The following STON2 variants were observed in gnomAD, a reference collection of about 807,000 sequenced individuals.
STON2 encodes the protein stonin-2.
Under a neutral mutation model 65.7 loss-of-function variants are expected in STON2, and 29 were observed. The ratio of observed to expected loss-of-function variants is 0.44; its 90% confidence interval spans 0.33 to 0.60. The LOEUF is 0.60. Among genes scored for constraint, STON2 ranks in the 20% least tolerant of loss-of-function variants. The probability of loss-of-function intolerance (pLI) is 0.03; values close to 1 mark genes in which losing one functional copy is unlikely to be tolerated. For missense variants in STON2, 1,054 were observed against 1,118.1 expected, an observed-to-expected ratio of 0.94 and a Z score of 0.82; for synonymous variants, 404 against 414.2, an observed-to-expected ratio of 0.98 and a Z score of 0.30.
intron 5 of STON2, among the ~76,000 whole-genome samples, chr14:81,304,639 A>G (rs1424368539): frequency 6.6e-6 from 1 of 152,050 alleles, no homozygotes; most frequent in Non-Finnish European, 1.5e-5. Context: ...GAGGCATGAG[A>G]ATTGCTTGAG....
chr14:81,270,745 G>A lies in STON2; in HGVS notation c.2709C>T (p.Ser903=), dbSNP rs746629275. The change falls in exon 7 of 8, where the codon AGC becomes AGT. Residue 903 remains serine (S), a synonymous_variant. Transcript: ENST00000614646. ...TGTCTTCTACAGAGATAGATCTCAC[G>A]CTGGCTTTGGAGGCAGAAGTTGTGG... ...SMPTTSASKA[S]VRSISVEDKT... 47 of 1,614,032 alleles carry A rather than the reference G, an allele frequency of 2.9e-5. No individual in the cohort carries two copies. In the East Asian group the frequency reaches 5.6e-4, roughly 19 times the overall value.
At chr14:81,301,510 C>T (rs1391612624) in intron 5 of STON2, among the ~76,000 whole-genome samples, 4 of 152,108 alleles carry the variant, frequency 2.6e-5, no homozygotes, top group African/African-American at 9.7e-5. Context: ...TGTGTGAACC[C>T]AAAAGAGGAA....
Position 81,276,927 on chromosome 14 carries a change from A to T in STON2, c.2555T>A (p.Ile852Lys). The change falls in exon 6 of 8, where the codon ATA becomes AAA. Residue 852 changes from isoleucine (I) to lysine (K), a missense_variant. Physicochemically the swap from Ile to Lys is moderately radical, Grantham distance 102 (BLOSUM62 -3). Transcript: ENST00000614646. ...EHAFNSIVWR[I>K]NRLPDKNSAS... ...TGAGTTTTTGTCCGGCAGTCGGTTT[A>T]TCCTCCACACAATGGAGTTGAAGGC... The T allele has an allele frequency of 6.2e-7, 1 of 1,613,344 alleles. No homozygotes were observed. Among genetic ancestry groups the T allele is most frequent in the Non-Finnish European group, 8.5e-7 (1 of 1,179,352 alleles).
intron 3 of STON2, among the ~76,000 whole-genome samples, chr14:81,377,150 C>T (rs1470530866): frequency 6.6e-6 from 1 of 152,172 alleles, no homozygotes; most frequent in African/African-American, 2.4e-5. Flanking sequence ...TGCCCATTTC[C>T]CTCCTACCTT....
intron 3 of STON2, chr14:81,395,336 A>C (rs373508442): frequency 4.6e-5 from 7 of 152,668 alleles, no homozygotes; most frequent in African/African-American, 1.4e-4. Flanking sequence ...CTCCGCTCCC[A>C]GGTTCAGCAA....
chr14:81,263,031 G>C lies in STON2; in HGVS notation c.*5383C>G, dbSNP rs2140078146. ...GAGAATGCCCTAATTTTATGTAAAGGGTCGTCATGGTTTGAATGGGACTTA... is the reference window on the plus strand; with the variant it reads ...GAGAATGCCCTAATTTTATGTAAAGCGTCGTCATGGTTTGAATGGGACTTA... On this transcript the variant is annotated 3_prime_UTR_variant, in exon 8 of 8. Coordinates refer to ENST00000614646, the MANE Select transcript of STON2 (RefSeq NM_001394390.1). The C allele has an allele frequency of 1.0e-6, 1 of 985,332 alleles. No individual in the cohort carries two copies. Among genetic ancestry groups the C allele is most frequent in the African/African-American group, 1.7e-5 (1 of 57,340 alleles). The allele number at this position is 985,332 out of a possible 1,614,324, so 61.0% of individuals were successfully genotyped here.
chr14:81,309,088 A>T (rs1896323700), intron 5 of STON2, among the ~76,000 whole-genome samples: 1 of 50,016 alleles, frequency 2.0e-5, no homozygotes, highest in Non-Finnish European at 4.3e-5. Context: ...AAAATTCTAT[A>T]AAAAAAAAAA....
upstream of STON2, among the ~76,000 whole-genome samples, chr14:81,403,254 C>A (rs562067119): frequency 6.6e-6 from 1 of 152,330 alleles, no homozygotes; most frequent in African/African-American, 2.4e-5. Context: ...CTCCTGCTCA[C>A]CTTCAAGTCT....
chr14:81,300,555 C>T (rs527730608), intron 5 of STON2, among the ~76,000 whole-genome samples: 1 of 152,182 alleles, frequency 6.6e-6, no homozygotes, highest in African/African-American at 2.4e-5. Flanking sequence ...TAGGCCACAA[C>T]GAAACTATAT....
At chr14:81,435,546 G>C (rs1289167450) in intron 1 of STON2, among the ~76,000 whole-genome samples, 2 of 152,164 alleles carry the variant, frequency 1.3e-5, no homozygotes, top group Non-Finnish European at 2.9e-5. Flanking sequence ...GGGGGAAACG[G>C]GGAGCGTCGG....
Position 81,265,195 on chromosome 14 carries a change from T to C in STON2, c.*3219A>G, listed in dbSNP as rs1272143478. 2 of 984,912 alleles carry C rather than the reference T, an allele frequency of 2.0e-6. No individual in the cohort carries two copies. The highest frequency in any genetic ancestry group is 1.1e-4 in the East Asian group (1 of 8,828). 61.0% of individuals were successfully genotyped at this position (984,912 alleles called of 1,614,324 possible). On this transcript the variant is annotated 3_prime_UTR_variant, in exon 8 of 8. Coordinates refer to ENST00000614646, the MANE Select transcript of STON2 (RefSeq NM_001394390.1). ...ATTACATAGCTAATTTGCCCACTTG[T>C]ATTTTCTTTAGAAGTTATTTAAACC...
intron 4 of STON2, among the ~76,000 whole-genome samples, chr14:81,348,667 C>A (rs8010482): frequency 1.1e-4 from 16 of 151,944 alleles, no homozygotes; most frequent in African/African-American, 3.9e-4. Context: ...AAAATGACCA[C>A]ACTACCCAAA....
chr14:81,270,872 G>A lies in STON2; in HGVS notation c.2582C>T (p.Ala861Val). Reference sequence around the variant, plus strand: ...AAAGAAACAGTGTGGGTGACCGGAAGCTATGAAAGAAAGACAATCGAGAGA... The same window carrying A: ...AAAGAAACAGTGTGGGTGACCGGAAACTATGAAAGAAAGACAATCGAGAGA... ...RINRLPDKNSASGHPHCFFCH... is the reference protein window; with the variant it reads ...RINRLPDKNSVSGHPHCFFCH... The change falls in exon 7 of 8, where the codon GCT becomes GTT. Residue 861 changes from alanine (A) to valine (V), a missense_variant and splice_region_variant. Physicochemically the swap from Ala to Val is moderately conservative, Grantham distance 64. Transcript: ENST00000614646. The A allele has an allele frequency of 1.2e-6, 2 of 1,612,284 alleles. No homozygotes were observed. Among genetic ancestry groups the A allele is most frequent in the Non-Finnish European group, 1.7e-6 (2 of 1,179,766 alleles).
intron 3 of STON2, among the ~76,000 whole-genome samples, chr14:81,372,160 A>G (rs1156694627): frequency 6.6e-5 from 10 of 152,208 alleles, no homozygotes; most frequent in African/African-American, 2.4e-4. Flanking sequence ...TACTTTAGAA[A>G]GGTTTTTTAA....
intron 4 of STON2, among the ~76,000 whole-genome samples, chr14:81,343,640 GT>G (rs1409670452): frequency 6.6e-5 from 10 of 152,142 alleles, no homozygotes; most frequent in Admixed American, 4.6e-4. Context: ...AGATGCAGCT[GT>G]TTTTCTACAA....
chr14:81,329,454 CAAAAA>C (rs56370265), intron 4 of STON2, among the ~76,000 whole-genome samples: 8 of 118,494 alleles, frequency 6.8e-5, no homozygotes, highest in Admixed American at 1.8e-4. Context: ...GACTCTGTCT[CAAAAA>C]AAAAAAAAAA....
chr14:81,429,943 A>C (rs919522645), intron 1 of STON2, among the ~76,000 whole-genome samples: 1 of 152,002 alleles, frequency 6.6e-6, no homozygotes, highest in African/African-American at 2.4e-5. Context: ...TCAAAAAAAA[A>C]AAAAAGAAAA....
chr14:81,318,982 G>A (rs1896724664), intron 5 of STON2, among the ~76,000 whole-genome samples: 1 of 152,236 alleles, frequency 6.6e-6, no homozygotes, highest in South Asian at 2.1e-4. Flanking sequence ...AAATGAGCTT[G>A]CACACTGTGG....
chr14:81,270,577 CA>C (rs1363583821), intron 7 of STON2, 92 bp downstream of exon 7: 1 of 1,608,042 alleles, frequency 6.2e-7, no homozygotes, highest in African/African-American at 1.3e-5. Flanking sequence ...ACCAGGCGAA[CA>C]TAGTAAGCAT....
Sources: allele counts gnomAD v4.1 joint callset (sites outside exome capture counted in the v4.1 genomes callset), GRCh38; gene constraint gnomAD v4.1.1; transcripts MANE v1.5; gene names NCBI Gene and HGNC (gene_info 2026-07-23, HGNC 2026-07-21).